Variants in CSMD1 observed in about 807,000 individuals in gnomAD.
The protein encoded by CSMD1 is CUB and sushi domain-containing protein 1.
A neutral mutation model predicts 417.5 loss-of-function variants in CSMD1; 213 were observed. That is an observed-to-expected ratio of 0.51 (90% CI 0.46 to 0.57). The LOEUF is 0.57. Among genes scored for constraint, CSMD1 ranks in the 20% least tolerant of loss-of-function variants. CSMD1 has a pLI of 0.00. For synonymous variants in CSMD1, 2,862 were observed against 1,736.8 expected (o/e 1.65, Z -16.11); for missense variants, 6,923 against 4,529.7 (o/e 1.53, Z -15.17).
chr8:3,245,670 C>T (rs910687677), intron 26 of CSMD1, among the ~76,000 whole-genome samples: 1 of 152,140 alleles, frequency 6.6e-6, no homozygotes, highest in Non-Finnish European at 1.5e-5. Context: ...GGCCTCCTTT[C>T]ATAAGGATGT....
rs1554427337 is a variant in CSMD1 at position 3,456,303 on chromosome 8, G to GCTGCACCCAATGTC, written c.1561+12408_1561+12409insGACATTGGGTGCAG. 4.9e-3 allele frequency among the ~76,000 whole-genome samples: 186 copies of GCTGCACCCAATGTC among 37,616 alleles called. No homozygotes were observed. The South Asian group carries it at 0.051, about 10-fold the overall frequency. 24.7% of individuals were successfully genotyped at this position (37,616 alleles called of 152,430 possible). A position where few individuals can be genotyped will look rare whatever the true frequency, so the allele number is the denominator to read the frequency against. On this transcript the variant is annotated intron_variant, in intron 12 of 69. Transcript: ENST00000635120. ...CCCTGCTTCAGCTCATGCTTTGTGT[G>GCTGCACCCAATGTC]CTGCACCCACTGTCCGACACTCCCC...
At chr8:4,117,035 G>A (rs1351031795) in intron 3 of CSMD1, among the ~76,000 whole-genome samples, 1 of 151,768 alleles carries the variant, frequency 6.6e-6, no homozygotes, top group Non-Finnish European at 1.5e-5. Context: ...TCTTTTCGCA[G>A]TTTGGAAACT....
intron 49 of CSMD1, among the ~76,000 whole-genome samples, chr8:3,068,410 T>TC (rs1813090823): frequency 6.6e-6 from 1 of 152,168 alleles, no homozygotes; most frequent in Admixed American, 6.5e-5. Context: ...ACACTTCACA[T>TC]CATGGAAACT....
chr8:3,955,784 C>CTGATGAA (rs1294060176), intron 5 of CSMD1, among the ~76,000 whole-genome samples: 1 of 152,176 alleles, frequency 6.6e-6, no homozygotes, highest in Admixed American at 6.5e-5. Flanking sequence ...ATTAATATCC[C>CTGATGAA]TTAGAAATCA....
intron 3 of CSMD1, among the ~76,000 whole-genome samples, chr8:4,320,423 T>C (rs887679811): frequency 1.3e-5 from 2 of 152,144 alleles, no homozygotes; most frequent in Admixed American, 6.5e-5. Flanking sequence ...GTTTGTGACA[T>C]AGGTAGACAC....
rs182937546 is a variant in CSMD1, at chr8:3,798,489, G to A, written c.819-44447C>T. 3.9e-5 allele frequency among the ~76,000 whole-genome samples: 6 copies of A among 152,138 alleles called. No individual in the cohort carries two copies. The East Asian group carries it at 1.2e-3, about 29-fold the overall frequency. ...TTGATTCATATCTTGTGGATATACT[G>A]CAGAAGGTCAAAAGGTGAGAAAGAA... On this transcript the variant is annotated intron_variant, in intron 5 of 69. Transcript: ENST00000635120.
intron 5 of CSMD1, among the ~76,000 whole-genome samples, chr8:3,913,949 G>A (rs1352846141): frequency 6.6e-6 from 1 of 151,778 alleles, no homozygotes. Context: ...GATCACTTTT[G>A]ACTTCAGATA....
chr8:4,640,880 A>T (rs945259388), intron 1 of CSMD1, among the ~76,000 whole-genome samples: 67 of 139,912 alleles, frequency 4.8e-4, no homozygotes, highest in Non-Finnish European at 8.5e-4. Context: ...AAAAAAAAAA[A>T]GTCTAATGGT....
intron 1 of CSMD1, among the ~76,000 whole-genome samples, chr8:4,840,210 A>G (rs1048987710): frequency 1.1e-3 from 11 of 9,694 alleles, no homozygotes; most frequent in Non-Finnish European, 1.8e-3. Context: ...ATCATGGTCT[A>G]TGAGTCTTTC....
intron 7 of CSMD1, among the ~76,000 whole-genome samples, chr8:3,636,556 G>A (rs112501348): frequency 6.6e-6 from 1 of 152,180 alleles, no homozygotes; most frequent in Non-Finnish European, 1.5e-5. Context: ...CCTGAGGAAT[G>A]TACATGTAAC....
intron 1 of CSMD1, among the ~76,000 whole-genome samples, chr8:4,756,365 A>T (rs1442307833): frequency 2.0e-5 from 3 of 152,172 alleles, no homozygotes; most frequent in Non-Finnish European, 4.4e-5. Flanking sequence ...CCATATTTTT[A>T]AAAGTAACAC....
chr8:4,250,994 C>T (rs945638102), intron 3 of CSMD1, among the ~76,000 whole-genome samples: 1 of 152,124 alleles, frequency 6.6e-6, no homozygotes, highest in African/African-American at 2.4e-5. Context: ...ACTGATATTT[C>T]CTAAATCACA....
At chr8:3,161,028 A>G (rs951767455) in intron 38 of CSMD1, among the ~76,000 whole-genome samples, 1 of 152,244 alleles carries the variant, frequency 6.6e-6, no homozygotes, top group Non-Finnish European at 1.5e-5. Context: ...AAAACCTATC[A>G]GTGTCAGTGT....
At chr8:3,441,788 A>G (rs1489668370) in intron 12 of CSMD1, among the ~76,000 whole-genome samples, 1 of 152,106 alleles carries the variant, frequency 6.6e-6, no homozygotes, top group Non-Finnish European at 1.5e-5. Flanking sequence ...ATTGCTTTAT[A>G]TATTTACTAT....
intron 3 of CSMD1, among the ~76,000 whole-genome samples, chr8:4,354,721 T>A (rs1040930061): frequency 5.3e-5 from 8 of 152,176 alleles, no homozygotes; most frequent in Non-Finnish European, 1.2e-4. Context: ...AACACTTGTA[T>A]TTATAATGTA....
At chr8:3,488,713 G>A (rs780401300) in intron 11 of CSMD1, among the ~76,000 whole-genome samples, 23 of 152,058 alleles carry the variant, frequency 1.5e-4, no homozygotes, top group Non-Finnish European at 2.4e-4. Flanking sequence ...CAGATAAGAG[G>A]CCGGGAAAGA....
At chr8:4,310,188 T>C (rs949319199) in intron 3 of CSMD1, among the ~76,000 whole-genome samples, 1 of 152,152 alleles carries the variant, frequency 6.6e-6, no homozygotes, top group African/African-American at 2.4e-5. Flanking sequence ...AAAGAAACAA[T>C]GGTAATCTCC....
intron 2 of CSMD1, among the ~76,000 whole-genome samples, chr8:4,514,496 G>A (rs150157588): frequency 2.0e-5 from 3 of 152,196 alleles, no homozygotes; most frequent in East Asian, 3.9e-4. Flanking sequence ...CGCACACATG[G>A]GAATCAACGA....
chr8:3,360,141 C>G (rs917336096), intron 20 of CSMD1, among the ~76,000 whole-genome samples: 8 of 152,112 alleles, frequency 5.3e-5, no homozygotes, highest in Non-Finnish European at 7.4e-5. Context: ...GTGGAATTTT[C>G]CTCTGTTTAT....
Sources: allele counts gnomAD v4.1 joint callset (sites outside exome capture counted in the v4.1 genomes callset), GRCh38; gene constraint gnomAD v4.1.1; transcripts MANE v1.5; gene names NCBI Gene and HGNC (gene_info 2026-07-23, HGNC 2026-07-21).